CMTM8: variants seen among roughly 807,000 people sequenced by gnomAD.
The protein encoded by CMTM8 is CKLF-like MARVEL transmembrane domain-containing protein 8.
A neutral mutation model predicts 18.6 loss-of-function variants in CMTM8; 12 were observed. The observed-to-expected ratio is 0.65, with a 90% confidence interval of 0.41 to 1.05. CMTM8 has a LOEUF of 1.05. CMTM8 is among the 50% of genes least tolerant of loss of function. CMTM8 has a pLI of 0.00. For synonymous variants in CMTM8, 87 were observed against 90.6 expected (o/e 0.96, Z 0.23); for missense variants, 217 against 227.2 (o/e 0.95, Z 0.29).
intron 2 of CMTM8, among the ~76,000 whole-genome samples, chr3:32,361,619 T>C (rs1349849760): frequency 6.6e-6 from 1 of 152,206 alleles, no homozygotes. Context: ...CAGAGTTTTA[T>C]AATCTTGCGT....
At chr3:32,342,141 A>G (rs2125590014) in intron 1 of CMTM8, among the ~76,000 whole-genome samples, 1 of 150,906 alleles carries the variant, frequency 6.6e-6, no homozygotes, top group Non-Finnish European at 1.5e-5. Flanking sequence ...CCAGCTACTC[A>G]GGAGGCTGAG....
intron 1 of CMTM8, among the ~76,000 whole-genome samples, chr3:32,287,596 T>C (rs1005321021): frequency 2.0e-5 from 3 of 152,182 alleles, no homozygotes; most frequent in African/African-American, 7.2e-5. Context: ...CAATTCAGAG[T>C]AAAGTTAAAT....
intron 1 of CMTM8, among the ~76,000 whole-genome samples, chr3:32,298,167 C>G (rs1036066996): frequency 6.6e-6 from 1 of 151,380 alleles, no homozygotes; most frequent in Non-Finnish European, 1.5e-5. Context: ...CCTCTGCCTC[C>G]CAGGTTCAAG....
chr3:32,253,027 C>CT (rs1364291986), intron 1 of CMTM8, among the ~76,000 whole-genome samples: 2 of 152,088 alleles, frequency 1.3e-5, no homozygotes, highest in African/African-American at 4.8e-5. Context: ...TGGGGAAGTG[C>CT]TTTTTATTGA....
intron 1 of CMTM8, among the ~76,000 whole-genome samples, chr3:32,301,732 C>CA (rs377120596): frequency 0.025 from 2,584 of 103,254 alleles, 28 homozygotes; most frequent in Non-Finnish European, 0.031. Flanking sequence ...TGATATGAAA[C>CA]AAAAAAAAAA....
At chr3:32,359,609 C>T (rs911951505) in intron 2 of CMTM8, among the ~76,000 whole-genome samples, 2 of 151,972 alleles carry the variant, frequency 1.3e-5, no homozygotes, top group Admixed American at 6.6e-5. Flanking sequence ...CAAAACAAAA[C>T]TAGTGATGGG....
rs1283455163 is a variant in CMTM8, at chr3:32,295,481, AAAC to A, written c.147+56365_147+56367del. Among the ~76,000 whole-genome samples the A allele has an allele frequency of 5.9e-3, 694 of 117,866 alleles. 74 individuals are homozygous for A. Among genetic ancestry groups the A allele is most frequent in the African/African-American group, 0.015 (416 of 27,308 alleles). The allele number at this position is 117,866 out of a possible 152,430, so 77.3% of individuals were successfully genotyped here. ...AAAAAAAAAAAAAAAAAAAAAAACA[AAAC>A]AAAACAGCGGAAAGAGAAAATCCCT... On this transcript the variant is annotated intron_variant, in intron 1 of 3. Coordinates refer to ENST00000307526, the MANE Select transcript of CMTM8 (RefSeq NM_178868.5).
At chr3:32,250,117 T>A (rs909867794) in intron 1 of CMTM8, among the ~76,000 whole-genome samples, 3 of 152,222 alleles carry the variant, frequency 2.0e-5, no homozygotes, top group African/African-American at 7.2e-5. Flanking sequence ...CAGCACCATT[T>A]ATTAAAAGAC....
At chr3:32,255,413 G>A (rs2125534057) in intron 1 of CMTM8, among the ~76,000 whole-genome samples, 1 of 152,166 alleles carries the variant, frequency 6.6e-6, no homozygotes, top group East Asian at 1.9e-4. Context: ...TGATTTCTTA[G>A]GAATCATTGC....
chr3:32,303,697 A>C (rs1695669333), intron 1 of CMTM8, among the ~76,000 whole-genome samples: 1 of 151,988 alleles, frequency 6.6e-6, no homozygotes. Flanking sequence ...CCTTCGCTTA[A>C]ATTTTGTAGA....
intron 1 of CMTM8, among the ~76,000 whole-genome samples, chr3:32,346,203 G>A (rs1696591612): frequency 1.3e-5 from 2 of 152,126 alleles, no homozygotes; most frequent in Admixed American, 1.3e-4. Context: ...ACATCAGTAG[G>A]GTGGTCAAAT....
At chr3:32,283,806 G>T (rs1473821314) in intron 1 of CMTM8, among the ~76,000 whole-genome samples, 1 of 152,194 alleles carries the variant, frequency 6.6e-6, no homozygotes, top group Non-Finnish European at 1.5e-5. Flanking sequence ...ACTCAGATGT[G>T]CTCGTAGTTT....
At chr3:32,307,597 A>G (rs891045857) in intron 1 of CMTM8, among the ~76,000 whole-genome samples, 1 of 152,194 alleles carries the variant, frequency 6.6e-6, no homozygotes, top group African/African-American at 2.4e-5. Context: ...ATGTGTAGGT[A>G]TGTAGCTTGA....
intron 1 of CMTM8, among the ~76,000 whole-genome samples, chr3:32,284,342 A>G (rs745364208): frequency 5.8e-4 from 88 of 152,258 alleles, no homozygotes; most frequent in Non-Finnish European, 1.1e-3. Flanking sequence ...AAAGAACAGG[A>G]GGAAGCAGTG....
In CMTM8 at chr3:32,352,219, G is replaced by A. The variant is rs200561443; in HGVS notation, c.148-5154G>A. Among the ~76,000 whole-genome samples the A allele has an allele frequency of 4.3e-3, 601 of 139,326 alleles. 3 individuals are homozygous for A. Among genetic ancestry groups the A allele is most frequent in the African/African-American group, 0.011 (409 of 37,386 alleles). 91.4% of individuals were successfully genotyped at this position (139,326 alleles called of 152,430 possible). A position where few individuals can be genotyped will look rare whatever the true frequency, so the allele number is the denominator to read the frequency against. ...CACACACTCACAAAAAAAAAAAAAA[G>A]AAAAAAAACTATCAAGAAATAAGAG... On this transcript the variant is annotated intron_variant, in intron 1 of 3. Transcript: ENST00000307526.
intron 1 of CMTM8, among the ~76,000 whole-genome samples, chr3:32,312,529 T>C (rs552867599): frequency 6.6e-6 from 1 of 152,278 alleles, no homozygotes; most frequent in South Asian, 2.1e-4. Flanking sequence ...GCAGGAGCTG[T>C]GTCCCCATGG....
intron 1 of CMTM8, chr3:32,259,387 T>A (rs1162738706): frequency 1.2e-6 from 1 of 856,558 alleles, no homozygotes; most frequent in East Asian, 2.4e-5. Flanking sequence ...ATGCCCGCAT[T>A]GTTCTGCAGA....
At chr3:32,314,402 C>T (rs759504966) in intron 1 of CMTM8, among the ~76,000 whole-genome samples, 8 of 151,964 alleles carry the variant, frequency 5.3e-5, no homozygotes, top group Non-Finnish European at 1.0e-4. Context: ...AGTTCAAGAG[C>T]AGCCAGCCCT....
intron 1 of CMTM8, among the ~76,000 whole-genome samples, chr3:32,282,934 T>C (rs541040684): frequency 1.3e-5 from 2 of 152,310 alleles, no homozygotes; most frequent in South Asian, 4.1e-4. Context: ...GAACATTCTG[T>C]GTAATAAGTT....
Sources: gnomAD v4.1 joint callset for allele counts (sites outside exome capture counted in the v4.1 genomes callset) on GRCh38, gnomAD v4.1.1 for gene constraint, MANE v1.5 for transcripts, NCBI Gene and HGNC (gene_info 2026-07-23, HGNC 2026-07-21) for gene names.